Variants in PHF14 observed in about 807,000 individuals in gnomAD.
PHF14 encodes the protein PHD finger protein 14.
Under a neutral mutation model 117.9 loss-of-function variants are expected in PHF14, and 55 were observed. The observed-to-expected ratio is 0.47, with a 90% CI of 0.38 to 0.58. The LOEUF (loss-of-function observed/expected upper bound fraction) is 0.58. Ranked by LOEUF, PHF14 falls within the 20% of genes least tolerant of loss-of-function variation. The probability of loss-of-function intolerance (pLI) is 0.00; values close to 1 mark genes in which losing one functional copy is unlikely to be tolerated. For missense variants in PHF14, 978 were observed against 1,122.2 expected (o/e 0.87, Z 1.84); for synonymous variants, 409 against 368.6 (o/e 1.11, Z -1.26).
At chr7:11,164,382 C>T (rs935397427) in intron 17 of PHF14, among the ~76,000 whole-genome samples, 1 of 152,004 alleles carries the variant, frequency 6.6e-6, no homozygotes, top group Non-Finnish European at 1.5e-5. Context: ...GAAAATGTGG[C>T]AAAGCACAGG....
At chr7:11,165,468 A>G (rs894961265) in intron 17 of PHF14, among the ~76,000 whole-genome samples, 1 of 152,184 alleles carries the variant, frequency 6.6e-6, no homozygotes, top group African/African-American at 2.4e-5. Context: ...ACATCTATAA[A>G]GATATAAAGA....
At position 11,048,825 on chromosome 7, in the gene PHF14, G is replaced by A. The variant is rs548573738; in HGVS notation, c.2313-2787G>A. Among the ~76,000 whole-genome samples the A allele has an allele frequency of 5.3e-5, 8 of 152,226 alleles. No individual in the cohort carries two copies. The East Asian group carries it at 9.7e-4, about 18-fold the overall frequency. ...CTATCTACTGCAACAATCATGTGGC[G>A]GTTGTCTTGAAATAGGAATGGATAT... On this transcript the variant is annotated intron_variant, in intron 13 of 17. Coordinates refer to ENST00000634607, the MANE Select transcript of PHF14 (RefSeq NM_001007157.2).
At chr7:11,057,799 G>A (rs1267074541) in intron 14 of PHF14, among the ~76,000 whole-genome samples, 3 of 151,996 alleles carry the variant, frequency 2.0e-5, no homozygotes, top group Non-Finnish European at 4.4e-5. Context: ...TTTCAAGTAA[G>A]TTGATCACGG....
chr7:10,974,358 C>A, intron 1 of PHF14, 34 bp downstream of exon 1: 10 of 1,564,882 alleles, frequency 6.4e-6, no homozygotes, highest in Non-Finnish European at 8.7e-6. Flanking sequence ...GGCGAGAGGT[C>A]CATTTCAGCC....
chr7:11,019,972 G>T (rs1783678570), intron 5 of PHF14, among the ~76,000 whole-genome samples: 1 of 152,026 alleles, frequency 6.6e-6, no homozygotes, highest in Non-Finnish European at 1.5e-5. Context: ...CCTTTGTTGG[G>T]TGTCCTCCCA....
At chr7:11,094,111 C>T (rs538232351) in intron 16 of PHF14, among the ~76,000 whole-genome samples, 9 of 152,298 alleles carry the variant, frequency 5.9e-5, no homozygotes, top group East Asian at 3.9e-4. Flanking sequence ...TCCAGGTCTA[C>T]ACTGCCAACC....
chr7:10,989,129 C>T (rs12537705), intron 3 of PHF14, among the ~76,000 whole-genome samples: 24,360 of 152,008 alleles, frequency 0.16, 2,362 homozygotes, highest in African/African-American at 0.25. Flanking sequence ...TACTAGAATT[C>T]TAAAGAGAAA....
At chr7:11,005,617 G>A (rs1291236676) in intron 4 of PHF14, among the ~76,000 whole-genome samples, 1 of 152,014 alleles carries the variant, frequency 6.6e-6, no homozygotes, top group Admixed American at 6.5e-5. Context: ...TTCTTCTCAT[G>A]TCAGTGTATG....
intron 7 of PHF14, among the ~76,000 whole-genome samples, chr7:11,032,288 T>G (rs1001803329): frequency 6.6e-6 from 1 of 152,142 alleles, no homozygotes; most frequent in Non-Finnish European, 1.5e-5. Flanking sequence ...TGATATGCCA[T>G]TAGGTTATTA....
intron 16 of PHF14, among the ~76,000 whole-genome samples, chr7:11,095,623 G>A (rs545657647): frequency 2.0e-5 from 3 of 152,270 alleles, no homozygotes; most frequent in East Asian, 3.9e-4. Flanking sequence ...TCCATTAAAT[G>A]TAGAGAATAA....
rs114607343 is a variant in PHF14 at position 11,102,414 on chromosome 7, T to G, written c.2655-8936T>G. Reference sequence around the variant, plus strand: ...ATCTACTGTGGTTTGTTAGTATGTTTCATAAGACATAGTGCAGAGCTGCTA... The same window carrying G: ...ATCTACTGTGGTTTGTTAGTATGTTGCATAAGACATAGTGCAGAGCTGCTA... On this transcript the variant is annotated intron_variant, in intron 16 of 17. Transcript: ENST00000634607. 5.3e-4 allele frequency: 821 copies of G among 1,543,174 alleles called. 4 individuals are homozygous for G. In the African/African-American group the frequency reaches 0.01, roughly 19 times the overall value.
At chr7:11,071,258 C>G (rs760309140) in intron 16 of PHF14, 1 of 518,584 alleles carries the variant, frequency 1.9e-6, no homozygotes, top group Non-Finnish European at 3.9e-6. Context: ...ACTATATATT[C>G]CATGTTCCCA....
At chr7:10,996,472 G>C (rs1782648864) in intron 4 of PHF14, among the ~76,000 whole-genome samples, 1 of 150,764 alleles carries the variant, frequency 6.6e-6, no homozygotes, top group Non-Finnish European at 1.5e-5. Context: ...ATGACCCAGA[G>C]AAAACTGTTT....
chr7:11,135,293 A>C (rs994698957), intron 17 of PHF14, among the ~76,000 whole-genome samples: 6 of 152,180 alleles, frequency 3.9e-5, no homozygotes, highest in Non-Finnish European at 7.4e-5. Flanking sequence ...CTTTCTTAGA[A>C]TCTAGTGATG....
intron 4 of PHF14, among the ~76,000 whole-genome samples, chr7:11,005,100 G>GTT (rs552529336): frequency 4.0e-5 from 6 of 149,218 alleles, no homozygotes; most frequent in Admixed American, 1.3e-4. Flanking sequence ...AATTTTAAAG[G>GTT]TTTTTTTTTT....
chr7:11,163,086 A>G (rs1789096990), intron 17 of PHF14, among the ~76,000 whole-genome samples: 1 of 152,190 alleles, frequency 6.6e-6, no homozygotes, highest in Non-Finnish European at 1.5e-5. Flanking sequence ...ATGTTGCAGT[A>G]TTAAATAAAG....
intron 17 of PHF14, among the ~76,000 whole-genome samples, chr7:11,121,971 C>T (rs1217188715): frequency 2.0e-5 from 3 of 151,894 alleles, no homozygotes; most frequent in Non-Finnish European, 2.9e-5. Context: ...GTTTTAAGCC[C>T]TGCATGCATT....
chr7:10,979,557 T>C (rs1366031745), intron 2 of PHF14, among the ~76,000 whole-genome samples: 1 of 150,910 alleles, frequency 6.6e-6, no homozygotes, highest in Non-Finnish European at 1.5e-5. Flanking sequence ...CTCTCTCTTT[T>C]TTTTTTTTTT....
At chr7:11,139,751 CAG>C (rs886150428) in intron 17 of PHF14, among the ~76,000 whole-genome samples, 1 of 152,014 alleles carries the variant, frequency 6.6e-6, no homozygotes, top group African/African-American at 2.4e-5. Flanking sequence ...AAATATAAGA[CAG>C]ATAACTTTTG....
Sources: gnomAD v4.1 joint callset for allele counts (sites outside exome capture counted in the v4.1 genomes callset) on GRCh38, gnomAD v4.1.1 for gene constraint, MANE v1.5 for transcripts, NCBI Gene and HGNC (gene_info 2026-07-23, HGNC 2026-07-21) for gene names.